The following RFX7 variants were observed in gnomAD, a reference collection of about 807,000 sequenced individuals.
RFX7 encodes DNA-binding protein RFX7.
RFX7 carries 26 observed loss-of-function variants against 111.8 expected under a neutral mutation model. That is an observed-to-expected ratio of 0.23 (90% CI 0.17 to 0.32). The LOEUF is 0.32. RFX7 is among the 10% of genes least tolerant of loss of function. The pLI, the probability that RFX7 is intolerant of heterozygous loss-of-function variation, is 1.00. For missense variants in RFX7, 1,573 were observed against 1,772.9 expected, an observed-to-expected ratio of 0.89 and a Z score of 2.02; for synonymous variants, 624 against 624.4, an observed-to-expected ratio of 1.00 and a Z score of 0.01.
Position 56,142,910 on chromosome 15 carries a change from T to G in RFX7, c.279-10A>C. The G allele has an allele frequency of 6.2e-7, 1 of 1,612,264 alleles. No individual in the cohort carries two copies. The highest frequency in any genetic ancestry group is 8.5e-7 in the Non-Finnish European group (1 of 1,179,308). On this transcript the variant is annotated splice_polypyrimidine_tract_variant and intron_variant, in intron 4 of 9. Coordinates refer to ENST00000559447, the MANE Select transcript of RFX7 (RefSeq NM_022841.7). ...CATGGCATTCTGATCACTAATAGAA[T>G]GAAAACATGTTTTAGCTGACCAGAC... is the stretch of plus-strand genomic sequence containing the variant.
At chr15:56,135,109 T>G (rs1435656088) in intron 5 of RFX7, among the ~76,000 whole-genome samples, 2 of 152,314 alleles carry the variant, frequency 1.3e-5, no homozygotes, top group East Asian at 3.9e-4. Context: ...GCAAGATTTA[T>G]AGTCCTTTGG....
rs368258249 is a variant in RFX7, at chr15:56,141,656, AATATATAT to A, written c.401+1114_401+1121del. Among the ~76,000 whole-genome samples, 22 of 83,192 alleles carry A rather than the reference AATATATAT, an allele frequency of 2.6e-4. 2 individuals are homozygous for A. Among genetic ancestry groups the A allele is most frequent in the African/African-American group, 1.3e-3 (20 of 15,282 alleles). The allele number at this position is 83,192 out of a possible 152,430, so 54.6% of individuals were successfully genotyped here. ...TAATGAAGAATCTATGCTTACTCTA[AATATATAT>A]ATATATATATATGCATATATGCTGA... On this transcript the variant is annotated intron_variant, in intron 5 of 9. Transcript: ENST00000559447.
intron 5 of RFX7, among the ~76,000 whole-genome samples, chr15:56,140,298 G>A (rs1313657327): frequency 1.3e-5 from 2 of 152,212 alleles, no homozygotes; most frequent in African/African-American, 2.4e-5. Flanking sequence ...TCTGAGCCAG[G>A]TGCGGGATAT....
intron 2 of RFX7, among the ~76,000 whole-genome samples, chr15:56,225,437 G>C (rs879205657): frequency 5.3e-5 from 8 of 152,060 alleles, no homozygotes; most frequent in Admixed American, 5.2e-4. Context: ...GCCAGTGCTG[G>C]AATATGCACT....
chr15:56,124,696 A>C (rs1471908604), intron 5 of RFX7, among the ~76,000 whole-genome samples: 1 of 152,194 alleles, frequency 6.6e-6, no homozygotes, highest in Non-Finnish European at 1.5e-5. Flanking sequence ...CCCATTTAAC[A>C]ATCAGATTTT....
intron 2 of RFX7, among the ~76,000 whole-genome samples, chr15:56,242,509 C>G (rs1040295407): frequency 6.6e-6 from 1 of 151,746 alleles, no homozygotes; most frequent in Non-Finnish European, 1.5e-5. Context: ...AAAAAAAAAC[C>G]ACTTTGTTGT....
intron 3 of RFX7, among the ~76,000 whole-genome samples, chr15:56,167,421 A>G (rs1171345917): frequency 3.3e-5 from 5 of 152,182 alleles, no homozygotes; most frequent in Non-Finnish European, 7.4e-5. Context: ...AGACTGAGAA[A>G]CTTACACTCA....
chr15:56,144,926 C>A (rs1231545711), intron 3 of RFX7, among the ~76,000 whole-genome samples: 1 of 152,152 alleles, frequency 6.6e-6, no homozygotes, highest in Non-Finnish European at 1.5e-5. Flanking sequence ...GACATAATTT[C>A]TAGAATCCGT....
chr15:56,129,630 G>A (rs1402702182), intron 5 of RFX7, among the ~76,000 whole-genome samples: 1 of 152,132 alleles, frequency 6.6e-6, no homozygotes, highest in Non-Finnish European at 1.5e-5. Flanking sequence ...GGAAGTTGGA[G>A]AGCACACTGC....
chr15:56,093,306 GTCTT>G lies in RFX7; in HGVS notation c.*35_*38del. 1 of 1,505,378 alleles carries G rather than the reference GTCTT, an allele frequency of 6.6e-7. No homozygotes were observed. The highest frequency in any genetic ancestry group is 9.0e-7 in the Non-Finnish European group (1 of 1,113,526). 93.3% of individuals were successfully genotyped at this position (1,505,378 alleles called of 1,614,324 possible). ...CCATTAAGACAAATACAATACATAT[GTCTT>G]TAGATACAGTGTGCTACATGTTATA... On this transcript the variant is annotated 3_prime_UTR_variant, in exon 10 of 10. Coordinates refer to ENST00000559447, the MANE Select transcript of RFX7 (RefSeq NM_022841.7).
chr15:56,180,392 G>A (rs1363834775), intron 2 of RFX7, among the ~76,000 whole-genome samples: 1 of 152,114 alleles, frequency 6.6e-6, no homozygotes, highest in African/African-American at 2.4e-5. Context: ...TAGGTTAAGA[G>A]GTACTGAAAT....
intron 5 of RFX7, among the ~76,000 whole-genome samples, chr15:56,129,800 T>G (rs2042189553): frequency 6.6e-6 from 1 of 152,162 alleles, no homozygotes; most frequent in South Asian, 2.1e-4. Context: ...ATTATCATGG[T>G]TTTGTAGAAG....
chr15:56,214,732 A>T (rs2043346712), intron 2 of RFX7, among the ~76,000 whole-genome samples: 1 of 151,880 alleles, frequency 6.6e-6, no homozygotes, highest in South Asian at 2.1e-4. Context: ...AAAAAAAAAA[A>T]ATTCTAGAAT....
intron 5 of RFX7, among the ~76,000 whole-genome samples, chr15:56,119,228 G>C (rs2042045187): frequency 6.6e-6 from 1 of 152,172 alleles, no homozygotes; most frequent in Non-Finnish European, 1.5e-5. Context: ...TTGGTTGCCT[G>C]TGCTTGTAGG....
intron 3 of RFX7, among the ~76,000 whole-genome samples, chr15:56,148,625 T>C (rs1349318558): frequency 6.6e-6 from 1 of 152,198 alleles, no homozygotes; most frequent in Non-Finnish European, 1.5e-5. Context: ...AAGCTAATTC[T>C]TTCTATGAGG....
At chr15:56,122,235 T>C (rs912277772) in intron 5 of RFX7, among the ~76,000 whole-genome samples, 1 of 152,118 alleles carries the variant, frequency 6.6e-6, no homozygotes, top group Admixed American at 6.6e-5. Flanking sequence ...GATAACTGCA[T>C]TTGGGGGCAT....
At chr15:56,158,735 T>C (rs1226767157) in intron 3 of RFX7, among the ~76,000 whole-genome samples, 6 of 152,232 alleles carry the variant, frequency 3.9e-5, no homozygotes, top group African/African-American at 7.2e-5. Context: ...AGTGGTACAA[T>C]TGCTTGAGCC....
chr15:56,103,526 T>C (rs1426692113), intron 6 of RFX7, 28 bp downstream of exon 6: 3 of 1,416,664 alleles, frequency 2.1e-6, no homozygotes, highest in African/African-American at 2.8e-5. Flanking sequence ...CACAGAGATA[T>C]TACTAACACC....
Position 56,093,142 on chromosome 15 carries a change from G to A in RFX7, c.*203C>T. ...TTATAAAATTTAAAACCTAATACTT[G>A]TTCTTCTACAGCCTACTGTCTTTAG... On this transcript the variant is annotated 3_prime_UTR_variant, in exon 10 of 10. Coordinates refer to ENST00000559447, the MANE Select transcript of RFX7 (RefSeq NM_022841.7). The A allele has an allele frequency of 2.0e-6, 1 of 507,254 alleles. No homozygotes were observed. Among genetic ancestry groups the A allele is most frequent in the South Asian group, 4.0e-5 (1 of 24,842 alleles). 31.4% of individuals were successfully genotyped at this position (507,254 alleles called of 1,614,324 possible). A position where few individuals can be genotyped will look rare whatever the true frequency, so the allele number is the denominator to read the frequency against.
Sources: gnomAD v4.1 joint callset for allele counts (sites outside exome capture counted in the v4.1 genomes callset) on GRCh38, gnomAD v4.1.1 for gene constraint, MANE v1.5 for transcripts, NCBI Gene and HGNC (gene_info 2026-07-23, HGNC 2026-07-21) for gene names.